The following RBMS1 variants were observed in gnomAD, a reference collection of about 807,000 sequenced individuals.
RBMS1 encodes RNA binding motif single stranded interacting protein 1, also known as RNA-binding motif, single-stranded-interacting protein 1.
RBMS1 carries 17 observed loss-of-function variants against 62.3 expected under a neutral mutation model. The ratio of observed to expected loss-of-function variants is 0.27; its 90% CI spans 0.19 to 0.41. The LOEUF (loss-of-function observed/expected upper bound fraction) is 0.41. Ranked by LOEUF, RBMS1 falls within the 10% of genes least tolerant of loss-of-function variation. The pLI is 1.00. For synonymous variants in RBMS1, 172 were observed against 170.0 expected (o/e 1.01, Z -0.09); for missense variants, 334 against 504.5 (o/e 0.66, Z 3.24).
At chr2:160,410,900 C>T (rs944667743) in intron 1 of RBMS1, among the ~76,000 whole-genome samples, 10 of 152,196 alleles carry the variant, frequency 6.6e-5, no homozygotes, top group African/African-American at 2.2e-4. Flanking sequence ...TGTGCCACCA[C>T]GCCTGTCTAA....
chr2:160,477,113 C>T lies in RBMS1; in HGVS notation c.75+16176G>A, dbSNP rs2105351853. ...AAGAAGCAAAAATCAAATTAGTAAG[C>T]AGTCTCCATTTTTTAAGCAACGAAA... On this transcript the variant is annotated intron_variant, in intron 1 of 13. Coordinates refer to ENST00000348849, the MANE Select transcript of RBMS1 (RefSeq NM_016836.4). 1.3e-5 allele frequency among the ~76,000 whole-genome samples: 2 copies of T among 152,230 alleles called. 1 individual carries two copies. The highest frequency in any genetic ancestry group is 4.1e-4 in the South Asian group (2 of 4,828).
At chr2:160,409,348 C>A (rs1695927610) in intron 1 of RBMS1, among the ~76,000 whole-genome samples, 1 of 149,686 alleles carries the variant, frequency 6.7e-6, no homozygotes, top group South Asian at 2.1e-4. Flanking sequence ...CGAGTAAGAA[C>A]TTGCCAGACA....
chr2:160,398,365 A>G lies in RBMS1; in HGVS notation c.76-30974T>C, dbSNP rs115122879. 7.8e-3 allele frequency among the ~76,000 whole-genome samples: 1,191 copies of G among 152,300 alleles called. 18 individuals carry two copies. The highest frequency in any genetic ancestry group is 0.026 in the African/African-American group (1,079 of 41,558). ...TATTACCAAGAATGAAATTTGCCAT[A>G]TAACAATGTGTTTGAGAAGATCCAG... On this transcript the variant is annotated intron_variant, in intron 1 of 13. Transcript: ENST00000348849.
intron 1 of RBMS1, among the ~76,000 whole-genome samples, chr2:160,406,687 C>T (rs2105242354): frequency 6.6e-6 from 1 of 152,342 alleles, no homozygotes; most frequent in African/African-American, 2.4e-5. Context: ...TGTATCACAA[C>T]ATGGCTTCAG....
intron 1 of RBMS1, among the ~76,000 whole-genome samples, chr2:160,468,050 CTG>C (rs1294622405): frequency 2.0e-5 from 3 of 152,202 alleles, no homozygotes; most frequent in Non-Finnish European, 4.4e-5. Flanking sequence ...CAAATCTCCT[CTG>C]AAGAGCTTGA....
chr2:160,431,534 T>C (rs1682895097), intron 1 of RBMS1, among the ~76,000 whole-genome samples: 2 of 152,130 alleles, frequency 1.3e-5, no homozygotes, highest in Admixed American at 1.3e-4. Flanking sequence ...CTTGATACCT[T>C]CCAAAGTCTG....
chr2:160,430,931 T>C (rs1437842812), intron 1 of RBMS1, among the ~76,000 whole-genome samples: 1 of 151,562 alleles, frequency 6.6e-6, no homozygotes, highest in African/African-American at 2.4e-5. Context: ...ACCAGGTCCT[T>C]TGCATTTTGG....
chr2:160,465,418 T>C (rs558317010), intron 1 of RBMS1, among the ~76,000 whole-genome samples: 19 of 152,338 alleles, frequency 1.2e-4, no homozygotes, highest in African/African-American at 4.6e-4. Context: ...CAATCCTACA[T>C]TTTTTATTCA....
chr2:160,286,219 G>A (rs1164743575), intron 7 of RBMS1, among the ~76,000 whole-genome samples: 1 of 148,232 alleles, frequency 6.7e-6, no homozygotes, highest in Non-Finnish European at 1.5e-5. Context: ...AGGACTGCTT[G>A]AGCACAGGAG....
chr2:160,318,229 T>TAAAAAAAAAAAAAA lies in RBMS1; in HGVS notation c.252-16_252-3dup, dbSNP rs5835799. ...TTTGTGGAGACTATTTTCCCATATC[T>TAAAAAAAAAAAAAA]AAAAAAAAAAAAAAAAAAAAAAAGG... is the stretch of plus-strand genomic sequence containing the variant. On this transcript the variant is annotated splice_polypyrimidine_tract_variant and splice_region_variant and intron_variant, in intron 2 of 13. Transcript: ENST00000348849. 5.9e-5 allele frequency: 69 copies of TAAAAAAAAAAAAAA among 1,164,644 alleles called. No individual in the cohort carries two copies. Among genetic ancestry groups the TAAAAAAAAAAAAAA allele is most frequent in the Admixed American group, 2.8e-4 (5 of 18,084 alleles). 72.1% of individuals were successfully genotyped at this position (1,164,644 alleles called of 1,614,324 possible).
chr2:160,275,291 C>T (rs1687772499), intron 13 of RBMS1: 1 of 160,830 alleles, frequency 6.2e-6, no homozygotes, highest in Non-Finnish European at 1.4e-5. Context: ...ATAGGTCCTC[C>T]AGTTTCTGAG....
chr2:160,394,495 CT>C (rs1188551518), intron 1 of RBMS1, among the ~76,000 whole-genome samples: 10 of 152,298 alleles, frequency 6.6e-5, no homozygotes, highest in African/African-American at 2.2e-4. Context: ...TTCCAGATCA[CT>C]GACATTTTAA....
chr2:160,282,385 G>C, intron 9 of RBMS1: 2 of 1,239,850 alleles, frequency 1.6e-6, no homozygotes, highest in Non-Finnish European at 2.2e-6. Flanking sequence ...ATTGGGGTTG[G>C]TGGTTTCTTG....
At chr2:160,406,215 C>T (rs1388074895) in intron 1 of RBMS1, among the ~76,000 whole-genome samples, 2 of 152,188 alleles carry the variant, frequency 1.3e-5, no homozygotes. Context: ...GAAAAGTTAA[C>T]ATAGAAAAGA....
rs1231572997 is a variant in RBMS1, at chr2:160,307,554, T to C, written c.403-4067A>G. On this transcript the variant is annotated intron_variant, in intron 4 of 13. Transcript: ENST00000348849. ...CTGCGTTTCTTTTCCTTTTATAGAATGTGAGTCTTTTATTTGAAAGATGTA... is the reference window on the plus strand; with the variant it reads ...CTGCGTTTCTTTTCCTTTTATAGAACGTGAGTCTTTTATTTGAAAGATGTA... 3.3e-5 allele frequency among the ~76,000 whole-genome samples: 5 copies of C among 152,212 alleles called. No individual in the cohort carries two copies. The East Asian group carries it at 9.6e-4, about 29-fold the overall frequency.
At chr2:160,426,297 AGAAGGAAGGAAG>A (rs565449663) in intron 1 of RBMS1, among the ~76,000 whole-genome samples, 4 of 56,102 alleles carry the variant, frequency 7.1e-5, no homozygotes, top group Admixed American at 1.9e-4. Flanking sequence ...AAGAAAAGAA[AGAAGGAAGGAAG>A]GAAGGAAGGA....
chr2:160,438,059 T>C (rs1403469029), intron 1 of RBMS1, among the ~76,000 whole-genome samples: 1 of 152,178 alleles, frequency 6.6e-6, no homozygotes, highest in African/African-American at 2.4e-5. Flanking sequence ...GTTCCTACCA[T>C]TGCTGGAAGG....
intron 1 of RBMS1, among the ~76,000 whole-genome samples, chr2:160,391,225 T>A (rs943362645): frequency 1.3e-5 from 2 of 148,750 alleles, no homozygotes; most frequent in African/African-American, 2.5e-5. Context: ...CTTATTAAAA[T>A]GAGAAGTTTG....
chr2:160,303,271 C>T (rs1574245158), intron 5 of RBMS1, 59 bp downstream of exon 5: 2 of 1,469,464 alleles, frequency 1.4e-6, no homozygotes, highest in African/African-American at 2.9e-5. Flanking sequence ...TTTAATTTTC[C>T]AAGATAACTT....
Sources: allele counts gnomAD v4.1 joint callset (sites outside exome capture counted in the v4.1 genomes callset), GRCh38; gene constraint gnomAD v4.1.1; transcripts MANE v1.5; gene names NCBI Gene and HGNC (gene_info 2026-07-23, HGNC 2026-07-21).